Variants in FOXN2 observed in about 807,000 individuals in gnomAD.
FOXN2 encodes the protein forkhead box protein N2.
In FOXN2, 19 loss-of-function variants were observed where a neutral mutation model predicts 41.2. The ratio of observed to expected loss-of-function variants is 0.46; its 90% CI spans 0.32 to 0.68. FOXN2 has a LOEUF of 0.68. Among genes scored for constraint, FOXN2 ranks in the 30% least tolerant of loss-of-function variants. The probability of loss-of-function intolerance (pLI) is 0.03; values close to 1 mark genes in which losing one functional copy is unlikely to be tolerated. For synonymous variants in FOXN2, 195 were observed against 176.8 expected (o/e 1.10, Z -0.82); for missense variants, 587 against 509.4 (o/e 1.15, Z -1.47).
chr2:48,323,516 T>A (rs1669472741), intron 1 of FOXN2, among the ~76,000 whole-genome samples: 1 of 152,208 alleles, frequency 6.6e-6, no homozygotes, highest in African/African-American at 2.4e-5. Flanking sequence ...TTCATGTTGG[T>A]TGGCTGCCTT....
intron 5 of FOXN2, 22 bp from the exon 6 acceptor site, chr2:48,373,270 T>G: frequency 6.5e-7 from 1 of 1,529,942 alleles, no homozygotes; most frequent in South Asian, 1.1e-5. Context: ...AACATTAATA[T>G]TATTACTTTT....
chr2:48,315,236 T>TC (rs1405234032), intron 1 of FOXN2, among the ~76,000 whole-genome samples: 1 of 152,004 alleles, frequency 6.6e-6, no homozygotes, highest in Non-Finnish European at 1.5e-5. Context: ...CCCAAGCACC[T>TC]CGGAGCCTTT....
At chr2:48,334,337 G>T (rs777925687) in intron 2 of FOXN2, among the ~76,000 whole-genome samples, 35 of 152,150 alleles carry the variant, frequency 2.3e-4, no homozygotes, top group Admixed American at 9.2e-4. Flanking sequence ...TTCCAATTGA[G>T]ATTCATTGTC....
intron 1 of FOXN2, among the ~76,000 whole-genome samples, chr2:48,315,788 G>A (rs1001028891): frequency 1.6e-4 from 25 of 152,114 alleles, no homozygotes; most frequent in African/African-American, 5.1e-4. Flanking sequence ...TGTCTGCTTC[G>A]CTGACGACCC....
rs769889347 is a variant in FOXN2 at position 48,375,134 on chromosome 2, A to G, written c.987A>G (p.Val329=). 6.2e-7 allele frequency: 1 copy of G among 1,614,128 alleles called. No individual in the cohort carries two copies. Among genetic ancestry groups the G allele is most frequent in the South Asian group, 1.1e-5 (1 of 91,088 alleles). Reference sequence around the variant, plus strand: ...CTTCCCTGTCTTCTGTGGATGAGGTATATGAATTTATCCCAAAGAATAGTC... The same window carrying G: ...CTTCCCTGTCTTCTGTGGATGAGGTGTATGAATTTATCCCAAAGAATAGTC... ...SVSSLSSVDE[V]YEFIPKNSHV... Residue 329 remains valine, a synonymous_variant, in exon 7 of 7, where the codon GTA becomes GTG. Coordinates refer to ENST00000340553, the MANE Select transcript of FOXN2 (RefSeq NM_002158.4).
chr2:48,373,111 A>G (rs909679762), intron 5 of FOXN2, among the ~76,000 whole-genome samples, 181 bp from the exon 6 acceptor site: 2 of 152,138 alleles, frequency 1.3e-5, no homozygotes, highest in African/African-American at 2.4e-5. Flanking sequence ...TCGTGATTTT[A>G]AGTGAACAAA....
chr2:48,347,425 G>T (rs1188376167), intron 3 of FOXN2, among the ~76,000 whole-genome samples: 1 of 151,444 alleles, frequency 6.6e-6, no homozygotes, highest in Admixed American at 6.6e-5. Flanking sequence ...ATGGGGTTTT[G>T]CCATGTTGTC....
intron 5 of FOXN2, among the ~76,000 whole-genome samples, chr2:48,364,351 C>T (rs556151771): frequency 3.3e-5 from 5 of 152,144 alleles, no homozygotes; most frequent in East Asian, 1.9e-4. Context: ...CCTTAGCCTC[C>T]CAAGTAGCTA....
At chr2:48,336,777 A>G (rs902452032) in intron 2 of FOXN2, among the ~76,000 whole-genome samples, 3 of 152,116 alleles carry the variant, frequency 2.0e-5, no homozygotes, top group African/African-American at 7.2e-5. Context: ...AAATGTTGAA[A>G]GTAAAATGAT....
At chr2:48,323,667 A>G (rs1669484598) in intron 1 of FOXN2, among the ~76,000 whole-genome samples, 2 of 152,118 alleles carry the variant, frequency 1.3e-5, no homozygotes, top group African/African-American at 4.8e-5. Context: ...ATTTTCTCCC[A>G]TTCCACATGT....
chr2:48,346,860 A>G (rs1671139370), intron 3 of FOXN2, 109 bp downstream of exon 3: 4 of 843,054 alleles, frequency 4.7e-6, no homozygotes, highest in Non-Finnish European at 7.1e-6. Context: ...AAGTCAAATT[A>G]CTTCAGCTGA....
Position 48,376,574 on chromosome 2 carries a change from T to C in FOXN2, c.*1131T>C, listed in dbSNP as rs1414420805. 6.6e-6 allele frequency: 1 copy of C among 152,486 alleles called. No individual in the cohort carries two copies. The highest frequency in any genetic ancestry group is 1.5e-5 in the Non-Finnish European group (1 of 67,946). The allele number at this position is 152,486 out of a possible 1,614,324, so 9.4% of individuals were successfully genotyped here. On this transcript the variant is annotated 3_prime_UTR_variant, in exon 7 of 7. Transcript: ENST00000340553. ...AATTTGATCTTATGCAATACACCTT[T>C]TTGAGGAGGCAGTGTAACAACCTAT...
Position 48,372,318 on chromosome 2 carries a change from C to A in FOXN2, c.704-974C>A, listed in dbSNP as rs563230742. On this transcript the variant is annotated intron_variant, in intron 5 of 6. Transcript: ENST00000340553. ...GTTTATGGTCTAGTTGGAGAGAAAACAAGTCATTATCTTCATGGCTTTATT... is the reference window on the plus strand; with the variant it reads ...GTTTATGGTCTAGTTGGAGAGAAAAAAAGTCATTATCTTCATGGCTTTATT... 1.4e-4 allele frequency among the ~76,000 whole-genome samples: 21 copies of A among 152,200 alleles called. No individual in the cohort carries two copies. The East Asian group carries it at 2.5e-3, about 18-fold the overall frequency.
chr2:48,329,480 G>T (rs1329825288), intron 2 of FOXN2, among the ~76,000 whole-genome samples: 1 of 151,964 alleles, frequency 6.6e-6, no homozygotes, highest in Admixed American at 6.6e-5. Context: ...CCATGAGACA[G>T]ATCTTTGACC....
In FOXN2 at chr2:48,378,685, T is replaced by G. The variant is rs1673394283; in HGVS notation, c.*3242T>G. 6.6e-6 allele frequency: 1 copy of G among 151,078 alleles called. No homozygotes were observed. Among genetic ancestry groups the G allele is most frequent in the South Asian group, 2.1e-4 (1 of 4,820 alleles). The allele number at this position is 151,078 out of a possible 1,614,324, so 9.4% of individuals were successfully genotyped here. ...TACATATATCTTACAGGTGTTTTTT[T>G]GTATTTTTTTTTTTTTTTAGTTTGA... On this transcript the variant is annotated 3_prime_UTR_variant, in exon 7 of 7. Coordinates refer to ENST00000340553, the MANE Select transcript of FOXN2 (RefSeq NM_002158.4).
chr2:48,349,034 C>G (rs913624082), intron 3 of FOXN2, among the ~76,000 whole-genome samples: 2 of 152,312 alleles, frequency 1.3e-5, no homozygotes, highest in East Asian at 1.9e-4. Context: ...GTGCCTCCCC[C>G]AGGAGCAGAC....
chr2:48,350,775 GA>G (rs1572743569), intron 3 of FOXN2, among the ~76,000 whole-genome samples: 1 of 152,198 alleles, frequency 6.6e-6, no homozygotes, highest in African/African-American at 2.4e-5. Context: ...AGTGGAGGCA[GA>G]CTCTTCTTCT....
exon 7 of FOXN2, chr2:48,379,291 CTT>C (rs1673431133): frequency 6.6e-6 from 1 of 152,406 alleles, no homozygotes; most frequent in Non-Finnish European, 1.5e-5. Context: ...TGTTTTATAA[CTT>C]TTTTTGTGCT....
chr2:48,352,325 A>T (rs1671500500), intron 3 of FOXN2, among the ~76,000 whole-genome samples: 2 of 152,160 alleles, frequency 1.3e-5, no homozygotes, highest in African/African-American at 4.8e-5. Context: ...TTTCTGTCTT[A>T]CTCAACCTAA....
Sources: gnomAD v4.1 joint callset for allele counts (sites outside exome capture counted in the v4.1 genomes callset) on GRCh38, gnomAD v4.1.1 for gene constraint, MANE v1.5 for transcripts, NCBI Gene and HGNC (gene_info 2026-07-23, HGNC 2026-07-21) for gene names.